BAIAP2: variants seen among roughly 807,000 people sequenced by gnomAD.
BAIAP2 encodes the protein BAR/IMD domain-containing adapter protein 2.
Under a neutral mutation model 63.0 loss-of-function variants are expected in BAIAP2, and 18 were observed. The observed-to-expected ratio is 0.29, with a 90% CI of 0.20 to 0.42. BAIAP2 has a LOEUF of 0.42. Ranked by LOEUF, BAIAP2 falls within the 10% of genes least tolerant of loss-of-function variation. The probability of loss-of-function intolerance (pLI) is 1.00; values close to 1 mark genes in which losing one functional copy is unlikely to be tolerated. For missense variants in BAIAP2, 610 were observed against 734.3 expected (o/e 0.83, Z 1.96); for synonymous variants, 386 against 307.6 (o/e 1.25, Z -2.67).
chr17:81,062,487 C>G lies in BAIAP2; in HGVS notation c.217+4520C>G, dbSNP rs146236646. ...ATTTCTCCCCACAGCCTCAGCTGCACCCTTGCACTGGCTTTGCTGTTGGCT... is the reference window on the plus strand; with the variant it reads ...ATTTCTCCCCACAGCCTCAGCTGCAGCCTTGCACTGGCTTTGCTGTTGGCT... On this transcript the variant is annotated intron_variant, in intron 3 of 13. Coordinates refer to ENST00000428708, the MANE Select transcript of BAIAP2 (RefSeq NM_001144888.2). Among the ~76,000 whole-genome samples, 590 of 152,268 alleles carry G rather than the reference C, an allele frequency of 3.9e-3. 3 individuals carry two copies. The highest frequency in any genetic ancestry group is 6.8e-3 in the Non-Finnish European group (464 of 68,024).
At chr17:81,106,260 A>C in intron 11 of BAIAP2, 114 bp downstream of exon 11, 1 of 1,119,346 alleles carries the variant, frequency 8.9e-7, no homozygotes, top group Non-Finnish European at 1.3e-6. Context: ...CTTGTCTGCT[A>C]CCGCAGGGCC....
rs1598800203 is a variant in BAIAP2, at chr17:81,103,803, G to A, written c.864+80G>A. 12 of 1,580,840 alleles carry A rather than the reference G, an allele frequency of 7.6e-6. No individual in the cohort carries two copies. In the East Asian group the frequency reaches 2.7e-4, roughly 35 times the overall value. On this transcript the variant is annotated intron_variant, in intron 8 of 13. Transcript: ENST00000428708. ...TGTCAGGGCGGGGGGCCGCCAGGGT[G>A]CAGAGTCCAGGGGCCCCTGCTGAGG...
intron 6 of BAIAP2, among the ~76,000 whole-genome samples, chr17:81,091,638 G>C (rs893942084): frequency 1.3e-5 from 2 of 152,250 alleles, no homozygotes; most frequent in African/African-American, 2.4e-5. Context: ...GTGCAGGGCA[G>C]GAGTCTGGCC....
rs2055349875 is a variant in BAIAP2 at position 81,085,159 on chromosome 17, C to A, written c.279+266C>A. The A allele has an allele frequency of 2.9e-5, 16 of 555,344 alleles. No individual in the cohort carries two copies. In the South Asian group the frequency reaches 3.0e-4, roughly 11 times the overall value. The allele number at this position is 555,344 out of a possible 1,614,324, so 34.4% of individuals were successfully genotyped here. The stretch of plus-strand genomic sequence containing the variant: ...CTCCAGGGAGAGTCCTGATCGCAGC[C>A]CCAGCCAGACCCCACTCCTGGGGTT... On this transcript the variant is annotated intron_variant, in intron 4 of 13. Coordinates refer to ENST00000428708, the MANE Select transcript of BAIAP2 (RefSeq NM_001144888.2).
At chr17:81,098,355 G>A (rs1036534439) in intron 6 of BAIAP2, among the ~76,000 whole-genome samples, 2 of 151,750 alleles carry the variant, frequency 1.3e-5, no homozygotes, top group East Asian at 1.9e-4. Context: ...CGAGGCTCAC[G>A]TTGGAGAGGC....
At chr17:81,038,881 T>C (rs1285734316) in intron 1 of BAIAP2, among the ~76,000 whole-genome samples, 1 of 121,444 alleles carries the variant, frequency 8.2e-6, no homozygotes, top group African/African-American at 3.2e-5. Flanking sequence ...CCTCCTGGCA[T>C]TGGAGTCGCC....
chr17:81,098,022 C>A, intron 6 of BAIAP2: 1 of 1,034,754 alleles, frequency 9.7e-7, no homozygotes, highest in Non-Finnish European at 1.2e-6. Context: ...GTCAGCTGTG[C>A]CATAGGGCTG....
chr17:81,065,773 G>T (rs542757089), intron 3 of BAIAP2, among the ~76,000 whole-genome samples: 4 of 152,236 alleles, frequency 2.6e-5, no homozygotes, highest in Non-Finnish European at 5.9e-5. Flanking sequence ...CTGGTACAAC[G>T]TGTACACCTG....
rs2058269978 is a variant in BAIAP2 at position 81,099,970 on chromosome 17, T to C, written c.532T>C (p.Tyr178His). 6.2e-7 allele frequency: 1 copy of C among 1,613,448 alleles called. No individual in the cohort carries two copies. Among genetic ancestry groups the C allele is most frequent in the Non-Finnish European group, 8.5e-7 (1 of 1,179,970 alleles). The stretch of plus-strand genomic sequence containing the variant: ...CAACAAGCAGGGCGAGCTGGAGAAT[T>C]ACGTGTCCGACGGCTACAAGACCGC... The part of the protein sequence containing the change: ...ISNKQGELEN[Y>H]VSDGYKTALT... The change falls in exon 7 of 14, where the codon TAC becomes CAC. Residue 178 changes from tyrosine (Y) to histidine (H), a missense_variant. Coordinates refer to ENST00000428708, the MANE Select transcript of BAIAP2 (RefSeq NM_001144888.2).
intron 3 of BAIAP2, among the ~76,000 whole-genome samples, chr17:81,068,888 C>T (rs117963424): frequency 4.1e-4 from 63 of 152,168 alleles, no homozygotes; most frequent in African/African-American, 7.0e-4. Context: ...TGTCTGTGAC[C>T]GTTGTCCCAG....
At chr17:81,040,108 C>T (rs1276851130) in intron 1 of BAIAP2, among the ~76,000 whole-genome samples, 2 of 152,224 alleles carry the variant, frequency 1.3e-5, no homozygotes, top group African/African-American at 4.8e-5. Context: ...CACTCGCCAC[C>T]GTCTGTGGAG....
At chr17:81,060,238 G>T (rs1026227830) in intron 3 of BAIAP2, among the ~76,000 whole-genome samples, 2 of 152,172 alleles carry the variant, frequency 1.3e-5, no homozygotes, top group Non-Finnish European at 2.9e-5. Context: ...CTGTGGCTTA[G>T]TGTATTTACA....
At chr17:81,094,347 C>T (rs932025917) in intron 6 of BAIAP2, among the ~76,000 whole-genome samples, 1 of 152,174 alleles carries the variant, frequency 6.6e-6, no homozygotes, top group Non-Finnish European at 1.5e-5. Flanking sequence ...AGCTGTGGGT[C>T]TGTTGGGACC....
intron 10 of BAIAP2, chr17:81,105,715 G>A (rs893138678): frequency 1.3e-5 from 3 of 231,194 alleles, no homozygotes; most frequent in African/African-American, 6.9e-5. Context: ...TCTCCCAGGA[G>A]GCTGCTCCAT....
At chr17:81,115,236 T>C (rs1184534659) in intron 13 of BAIAP2, among the ~76,000 whole-genome samples, 1 of 152,224 alleles carries the variant, frequency 6.6e-6, no homozygotes, top group African/African-American at 2.4e-5. Context: ...CCAGCTGCTC[T>C]GCAGGGCCCA....
rs751553294 is a variant in BAIAP2 at position 81,053,754 on chromosome 17, G to T, written c.130+11G>T. ...AGAAGGCACTGGCAGGTGGAACTGC[G>T]CCCGGGCCCCGTGGGGTGGGAGCTG... On this transcript the variant is annotated intron_variant, in intron 2 of 13. Transcript: ENST00000428708. 2 of 1,613,700 alleles carry T rather than the reference G, an allele frequency of 1.2e-6. No individual in the cohort carries two copies. Among genetic ancestry groups the T allele is most frequent in the Non-Finnish European group, 1.7e-6 (2 of 1,179,890 alleles).
chr17:81,063,089 G>A (rs192460697), intron 3 of BAIAP2, among the ~76,000 whole-genome samples: 115 of 152,210 alleles, frequency 7.6e-4, no homozygotes, highest in African/African-American at 2.6e-3. Flanking sequence ...GGACCTGAGC[G>A]AGGAGGACTG....
intron 6 of BAIAP2, chr17:81,097,462 G>GCTCCC (rs1265203616): frequency 6.6e-6 from 1 of 152,286 alleles, no homozygotes; most frequent in Non-Finnish European, 1.5e-5. Flanking sequence ...AGGCTGCTCC[G>GCTCCC]CTCCCCTCCC....
intron 7 of BAIAP2, 94 bp downstream of exon 7, chr17:81,100,174 C>A (rs533890402): frequency 3.5e-6 from 5 of 1,432,640 alleles, no homozygotes; most frequent in Non-Finnish European, 2.8e-6. Context: ...GTGAACACAC[C>A]GGGGCAGTGT....
Sources: gnomAD v4.1 joint callset for allele counts (sites outside exome capture counted in the v4.1 genomes callset) on GRCh38, gnomAD v4.1.1 for gene constraint, MANE v1.5 for transcripts, NCBI Gene and HGNC (gene_info 2026-07-23, HGNC 2026-07-21) for gene names.